C8orf74: variants seen among roughly 807,000 people sequenced by gnomAD.
C8orf74 encodes the protein uncharacterized protein C8orf74.
A neutral mutation model predicts 22.2 loss-of-function variants in C8orf74; 29 were observed. The ratio of observed to expected loss-of-function variants is 1.31; its 90% confidence interval spans 0.97 to 1.78. C8orf74 has a LOEUF of 1.78. C8orf74 is among the 40% of genes most tolerant of loss of function. The pLI is 0.00. For missense variants in C8orf74, 515 were observed against 369.9 expected, an observed-to-expected ratio of 1.39 and a Z score of -3.22; for synonymous variants, 255 against 163.1, an observed-to-expected ratio of 1.56 and a Z score of -4.30.
chr8:10,678,426 C>A (rs1334624963), intron 2 of C8orf74, among the ~76,000 whole-genome samples: 1 of 152,038 alleles, frequency 6.6e-6, no homozygotes, highest in Non-Finnish European at 1.5e-5. Flanking sequence ...AGGATGTGAT[C>A]CAGAAACCTG....
In C8orf74 at chr8:10,674,665, G is replaced by C. The variant is rs747337266; in HGVS notation, c.68G>C (p.Arg23Pro). 7.5e-6 allele frequency: 12 copies of C among 1,608,954 alleles called. No individual in the cohort carries two copies. In the South Asian group the frequency reaches 1.3e-4, roughly 18 times the overall value. ...CTGCAGAGACCACAAGGTCGGGAGC[G>C]CCTGCGGAGGCTTCTGAACTGGGAG... ...FQLQRPQGRE[R>P]LRRLLNWEEF... Residue 23 changes from arginine (R) to proline (P), a missense_variant, in exon 2 of 4, where the codon CGC (arginine) becomes CCC (proline). Physicochemically the swap from Arg to Pro is moderately radical, Grantham distance 103. Transcript: ENST00000304519.
intron 2 of C8orf74, among the ~76,000 whole-genome samples, chr8:10,684,016 G>A (rs1383963815): frequency 2.6e-5 from 4 of 152,198 alleles, no homozygotes; most frequent in Non-Finnish European, 5.9e-5. Context: ...ACGATGCTAG[G>A]CAGGAGGTGA....
At chr8:10,685,231 T>C (rs1799237184) in intron 2 of C8orf74, among the ~76,000 whole-genome samples, 1 of 152,246 alleles carries the variant, frequency 6.6e-6, no homozygotes, top group African/African-American at 2.4e-5. Context: ...GAAACCAATA[T>C]GGCAGTTCTT....
chr8:10,700,102 A>C, intron 3 of C8orf74, 133 bp from the exon 4 acceptor site: 1 of 549,410 alleles, frequency 1.8e-6, no homozygotes, highest in South Asian at 3.4e-5. Flanking sequence ...AGGTCCAGGC[A>C]ACCACGGCCC....
chr8:10,679,339 C>T (rs1411988833), intron 2 of C8orf74, among the ~76,000 whole-genome samples: 1 of 152,166 alleles, frequency 6.6e-6, no homozygotes, highest in Non-Finnish European at 1.5e-5. Context: ...CTCCTGCATG[C>T]CCCGCCCGGA....
chr8:10,678,343 G>A (rs768839117), intron 2 of C8orf74, among the ~76,000 whole-genome samples: 3 of 152,218 alleles, frequency 2.0e-5, no homozygotes, highest in South Asian at 2.1e-4. Context: ...CATGGTGCTC[G>A]GTGCCTAGGA....
chr8:10,683,140 G>A (rs535133262), intron 2 of C8orf74, among the ~76,000 whole-genome samples: 10 of 152,310 alleles, frequency 6.6e-5, no homozygotes, highest in South Asian at 4.1e-4. Flanking sequence ...CCAGGGCTGC[G>A]GAGTGCAGAC....
At chr8:10,690,361 A>T (rs1350479510) in intron 2 of C8orf74, among the ~76,000 whole-genome samples, 1 of 152,124 alleles carries the variant, frequency 6.6e-6, no homozygotes, top group African/African-American at 2.4e-5. Context: ...CCCGGCAGCC[A>T]GGGGTGAAGG....
chr8:10,682,273 C>T (rs1799167322), intron 2 of C8orf74, among the ~76,000 whole-genome samples: 1 of 152,232 alleles, frequency 6.6e-6, no homozygotes, highest in African/African-American at 2.4e-5. Flanking sequence ...AGATTAAGAT[C>T]TTAGAGGAGC....
intron 2 of C8orf74, among the ~76,000 whole-genome samples, chr8:10,685,401 T>C (rs956118236): frequency 1.3e-5 from 2 of 152,208 alleles, no homozygotes; most frequent in African/African-American, 4.8e-5. Flanking sequence ...CTAGTGAGCA[T>C]GGATGGATGA....
At position 10,700,587 on chromosome 8, in the gene C8orf74, C is replaced by G; in HGVS notation, c.*116C>G. The G allele has an allele frequency of 3.2e-6, 2 of 626,774 alleles. No individual in the cohort carries two copies. Among genetic ancestry groups the G allele is most frequent in the Non-Finnish European group, 5.4e-6 (2 of 369,034 alleles). 38.8% of individuals were successfully genotyped at this position (626,774 alleles called of 1,614,324 possible). A position where few individuals can be genotyped will look rare whatever the true frequency, so the allele number is the denominator to read the frequency against. ...ACTTCTTGTGATTAAAAGAAACAAACCCATGCCATCATCTGGTCTCTGTCT... is the reference window on the plus strand; with the variant it reads ...ACTTCTTGTGATTAAAAGAAACAAAGCCATGCCATCATCTGGTCTCTGTCT... On this transcript the variant is annotated 3_prime_UTR_variant, in exon 4 of 4. Coordinates refer to ENST00000304519, the MANE Select transcript of C8orf74 (RefSeq NM_001040032.2).
chr8:10,696,883 G>C (rs1799528421), intron 2 of C8orf74, among the ~76,000 whole-genome samples: 1 of 151,866 alleles, frequency 6.6e-6, no homozygotes. Flanking sequence ...ATACTGGCCA[G>C]GTGTGGTGGT....
chr8:10,695,241 G>A (rs574767850), intron 2 of C8orf74, among the ~76,000 whole-genome samples: 1 of 152,148 alleles, frequency 6.6e-6, no homozygotes, highest in African/African-American at 2.4e-5. Flanking sequence ...TGTGAAGTCA[G>A]TATCACTATT....
intron 2 of C8orf74, among the ~76,000 whole-genome samples, chr8:10,679,101 C>G (rs939022377): frequency 1.3e-5 from 2 of 152,162 alleles, no homozygotes; most frequent in African/African-American, 4.8e-5. Flanking sequence ...AGCTGTGGGA[C>G]CTTGGCCATT....
chr8:10,681,377 G>A (rs934897756), intron 2 of C8orf74, among the ~76,000 whole-genome samples: 46 of 152,302 alleles, frequency 3.0e-4, no homozygotes, highest in African/African-American at 1.0e-3. Flanking sequence ...ACAGAGGGGC[G>A]GGAGTCTTCC....
intron 2 of C8orf74, among the ~76,000 whole-genome samples, chr8:10,686,022 T>C (rs1292767649): frequency 6.6e-6 from 1 of 152,140 alleles, no homozygotes; most frequent in Non-Finnish European, 1.5e-5. Flanking sequence ...TGAGCCGAGA[T>C]TGCACCACTG....
intron 3 of C8orf74, among the ~76,000 whole-genome samples, chr8:10,699,035 T>A (rs1215311575): frequency 2.0e-5 from 3 of 152,140 alleles, no homozygotes; most frequent in Admixed American, 2.0e-4. Context: ...CAGGGGGCCA[T>A]GTGATCTTAG....
chr8:10,684,628 G>C (rs932212182), intron 2 of C8orf74, among the ~76,000 whole-genome samples: 5 of 152,244 alleles, frequency 3.3e-5, no homozygotes, highest in Non-Finnish European at 7.3e-5. Context: ...AGGGGTGCCT[G>C]AAACAGGGGA....
intron 2 of C8orf74, among the ~76,000 whole-genome samples, chr8:10,695,281 C>T (rs776939080): frequency 1.3e-5 from 2 of 152,140 alleles, no homozygotes; most frequent in East Asian, 1.9e-4. Flanking sequence ...GAAAAAGGCC[C>T]GTGTCATATC....
Sources: allele counts gnomAD v4.1 joint callset (sites outside exome capture counted in the v4.1 genomes callset), GRCh38; gene constraint gnomAD v4.1.1; transcripts MANE v1.5; gene names NCBI Gene and HGNC (gene_info 2026-07-23, HGNC 2026-07-21).